DGKB: variants seen among roughly 807,000 people sequenced by gnomAD.
DGKB encodes diacylglycerol kinase beta.
DGKB carries 67 observed loss-of-function variants against 114.3 expected under a neutral mutation model. That is an observed-to-expected ratio of 0.59 (90% CI 0.48 to 0.72). The LOEUF is 0.72. Among genes scored for constraint, DGKB ranks in the 30% least tolerant of loss-of-function variants. The pLI, the probability that DGKB is intolerant of heterozygous loss-of-function variation, is 0.00. For missense variants in DGKB, 907 were observed against 975.2 expected (o/e 0.93, Z 0.93); for synonymous variants, 398 against 323.1 (o/e 1.23, Z -2.49).
chr7:14,236,120 T>C (rs1792733845), intron 23 of DGKB, among the ~76,000 whole-genome samples: 1 of 151,986 alleles, frequency 6.6e-6, no homozygotes, highest in African/African-American at 2.4e-5. Flanking sequence ...AAATTGAGAG[T>C]GATGTACCTG....
At chr7:14,340,450 T>G (rs912142935) in intron 22 of DGKB, among the ~76,000 whole-genome samples, 7 of 151,572 alleles carry the variant, frequency 4.6e-5, no homozygotes, top group Non-Finnish European at 1.0e-4. Context: ...CTTATTTGCA[T>G]GCATATTATA....
In DGKB at chr7:14,812,395, T is replaced by TTG. The variant is rs138316739; in HGVS notation, c.70+28797_70+28798dup. Among the ~76,000 whole-genome samples the TTG allele has an allele frequency of 3.1e-3, 471 of 151,478 alleles. 2 individuals carry two copies. The highest frequency in any genetic ancestry group is 0.02 in the Middle Eastern group (6 of 294). ...TAGAATGAAATAAAATAAAGCCATT[T>TTG]TGTGTGTGTGTGTGTGTCTTGATAG... On this transcript the variant is annotated intron_variant, in intron 2 of 25. Coordinates refer to ENST00000402815, the MANE Select transcript of DGKB (RefSeq NM_001350709.2).
At chr7:14,195,228 T>C (rs1346465761) in intron 23 of DGKB, among the ~76,000 whole-genome samples, 1 of 152,142 alleles carries the variant, frequency 6.6e-6, no homozygotes, top group Admixed American at 6.6e-5. Context: ...TGTGGGAATG[T>C]TTTCACAGCA....
At chr7:14,378,038 T>C (rs965282174) in intron 21 of DGKB, among the ~76,000 whole-genome samples, 2 of 152,194 alleles carry the variant, frequency 1.3e-5, no homozygotes, top group Admixed American at 1.3e-4. Context: ...TTCTGGAGTA[T>C]AGTAGAAACA....
intron 20 of DGKB, among the ~76,000 whole-genome samples, chr7:14,551,688 C>G (rs571976818): frequency 6.6e-5 from 10 of 152,212 alleles, no homozygotes; most frequent in African/African-American, 2.4e-4. Context: ...GCTTTTCAGA[C>G]TTGGCCTCAG....
At chr7:14,280,816 A>AT (rs1472969505) in intron 23 of DGKB, among the ~76,000 whole-genome samples, 12 of 150,884 alleles carry the variant, frequency 8.0e-5, no homozygotes, top group African/African-American at 2.9e-4. Flanking sequence ...ATGCTGAGAG[A>AT]TTTTGTCACC....
chr7:14,668,783 C>T (rs1213348201), intron 13 of DGKB, among the ~76,000 whole-genome samples: 1 of 151,982 alleles, frequency 6.6e-6, no homozygotes, highest in Non-Finnish European at 1.5e-5. Context: ...GCTCAAATTC[C>T]ACGATTAAGC....
chr7:14,672,904 A>T, intron 13 of DGKB, 25 bp downstream of exon 13: 1 of 1,355,762 alleles, frequency 7.4e-7, no homozygotes, highest in Non-Finnish European at 1.0e-6. Context: ...CCTAAGTTAT[A>T]GTAGAATGAT....
chr7:14,325,698 T>C (rs1808592706), intron 23 of DGKB, among the ~76,000 whole-genome samples: 1 of 152,198 alleles, frequency 6.6e-6, no homozygotes, highest in Admixed American at 6.5e-5. Context: ...TTAATCATAA[T>C]ATGGTTTTTT....
intron 20 of DGKB, among the ~76,000 whole-genome samples, chr7:14,531,346 A>G (rs959920948): frequency 7.3e-5 from 11 of 151,528 alleles, no homozygotes; most frequent in African/African-American, 2.2e-4. Context: ...GAATTTATAA[A>G]TAAGTTTGGC....
Position 14,813,359 on chromosome 7 carries a change from A to T in DGKB, c.70+27835T>A, listed in dbSNP as rs73052907. ...ATACCTATGAGGATTGCTCTTGGGA[A>T]TGTCAAGCAACCACATAAATGAGTA... On this transcript the variant is annotated intron_variant, in intron 2 of 25. Transcript: ENST00000402815. Among the ~76,000 whole-genome samples, 234 of 152,312 alleles carry T rather than the reference A, an allele frequency of 1.5e-3. 1 individual carries two copies. The Middle Eastern group carries it at 0.02, about 13-fold the overall frequency.
intron 12 of DGKB, among the ~76,000 whole-genome samples, chr7:14,673,629 T>C (rs1056071142): frequency 1.3e-5 from 2 of 152,092 alleles, no homozygotes; most frequent in African/African-American, 4.8e-5. Flanking sequence ...AGTTAGTATA[T>C]AATCATACAA....
chr7:14,705,734 G>C (rs368904079), intron 6 of DGKB, among the ~76,000 whole-genome samples: 1 of 151,206 alleles, frequency 6.6e-6, no homozygotes, highest in Non-Finnish European at 1.5e-5. Flanking sequence ...AAGTGAAGGA[G>C]AAATAAAATA....
At chr7:14,730,284 G>A (rs1830714888) in intron 5 of DGKB, among the ~76,000 whole-genome samples, 1 of 152,190 alleles carries the variant, frequency 6.6e-6, no homozygotes. Flanking sequence ...GAGTTGGCAT[G>A]GGTGGCGATG....
At chr7:14,351,524 T>C (rs552431152) in intron 21 of DGKB, among the ~76,000 whole-genome samples, 13 of 152,238 alleles carry the variant, frequency 8.5e-5, no homozygotes, top group Non-Finnish European at 8.8e-5. Flanking sequence ...AAATGTCATC[T>C]GTATGAACTA....
At chr7:14,529,443 A>T in intron 20 of DGKB, among the ~76,000 whole-genome samples, 1 of 151,882 alleles carries the variant, frequency 6.6e-6, no homozygotes, top group East Asian at 1.9e-4. Flanking sequence ...ATGATTAAAA[A>T]CATTAATATG....
intron 23 of DGKB, among the ~76,000 whole-genome samples, chr7:14,283,547 C>T (rs1175952689): frequency 1.3e-5 from 2 of 148,886 alleles, no homozygotes; most frequent in African/African-American, 5.2e-5. Context: ...AAAGAGCCCG[C>T]ATCGCCAAGT....
chr7:14,925,897 T>G (rs949820886), intron 1 of DGKB, among the ~76,000 whole-genome samples: 1 of 152,086 alleles, frequency 6.6e-6, no homozygotes, highest in Non-Finnish European at 1.5e-5. Context: ...CATGTCTTTA[T>G]TTCTTTTCTT....
intron 2 of DGKB, among the ~76,000 whole-genome samples, chr7:14,777,599 T>A (rs1838397583): frequency 1.3e-5 from 2 of 152,172 alleles, no homozygotes; most frequent in Admixed American, 6.5e-5. Flanking sequence ...AAGAAGGGCA[T>A]GTTTGCTTCT....
Sources: gnomAD v4.1 joint callset for allele counts (sites outside exome capture counted in the v4.1 genomes callset) on GRCh38, gnomAD v4.1.1 for gene constraint, MANE v1.5 for transcripts, NCBI Gene and HGNC (gene_info 2026-07-23, HGNC 2026-07-21) for gene names.